TRIM16: variants seen among roughly 807,000 people sequenced by gnomAD.
The protein encoded by TRIM16 is tripartite motif-containing protein 16.
A neutral mutation model predicts 50.4 loss-of-function variants in TRIM16; 33 were observed. The ratio of observed to expected loss-of-function variants is 0.65; its 90% CI spans 0.50 to 0.88. The LOEUF is 0.88. Among genes scored for constraint, TRIM16 ranks in the 40% least tolerant of loss-of-function variants. The probability of loss-of-function intolerance (pLI) is 0.00; values close to 1 mark genes in which losing one functional copy is unlikely to be tolerated. For missense variants in TRIM16, 581 were observed against 686.8 expected, an observed-to-expected ratio of 0.85 and a Z score of 1.72; for synonymous variants, 229 against 270.7, an observed-to-expected ratio of 0.85 and a Z score of 1.51.
At chr17:15,646,734 T>C (rs1440022320) in intron 7 of TRIM16, among the ~76,000 whole-genome samples, 1 of 151,474 alleles carries the variant, frequency 6.6e-6, no homozygotes, top group Non-Finnish European at 1.5e-5. Context: ...GCCAGTTCCT[T>C]TGTATTCCAA....
Position 15,628,780 on chromosome 17 carries a change from G to A in TRIM16, c.1530C>T (p.Gly510=), listed in dbSNP as rs759057353. The change falls in exon 12 of 12, where the codon GGC becomes GGT. Residue 510 remains glycine, a synonymous_variant. Coordinates refer to ENST00000649191, the MANE Select transcript of TRIM16 (RefSeq NM_001348119.1). ...DFPGGILSFY[G]VEYDTMTLVH... ...CCAGAGTCATGGTATCATACTCTAC[G>A]CCATAGAAGGAAAGGATCCCTCCCG... 8.1e-6 allele frequency: 13 copies of A among 1,614,048 alleles called. No homozygotes were observed. Among genetic ancestry groups the A allele is most frequent in the African/African-American group, 5.3e-5 (4 of 74,910 alleles).
In TRIM16 at chr17:15,684,268, G is replaced by A. The variant is rs1044145179; in HGVS notation, c.-971C>T. ...TGCTCTGGGGGACAGGGAGGACACA[G>A]ACTCGCCACGCGCGGAGATCCTCCA... On this transcript the variant is annotated 5_prime_UTR_variant, in exon 1 of 12. Coordinates refer to ENST00000649191, the MANE Select transcript of TRIM16 (RefSeq NM_001348119.1). 1 of 152,214 alleles carries A rather than the reference G, an allele frequency of 6.6e-6. No individual in the cohort carries two copies. The highest frequency in any genetic ancestry group is 1.9e-4 in the East Asian group (1 of 5,190). 9.4% of individuals were successfully genotyped at this position (152,214 alleles called of 1,614,324 possible). A position where few individuals can be genotyped will look rare whatever the true frequency, so the allele number is the denominator to read the frequency against.
chr17:15,665,224 C>T (rs962901715), intron 6 of TRIM16, among the ~76,000 whole-genome samples: 6 of 151,452 alleles, frequency 4.0e-5, no homozygotes, highest in African/African-American at 7.3e-5. Flanking sequence ...TTTAAAGAGG[C>T]TGTAGAGGCC....
chr17:15,652,959 T>C (rs1415385220), intron 6 of TRIM16, among the ~76,000 whole-genome samples: 2 of 152,120 alleles, frequency 1.3e-5, no homozygotes, highest in South Asian at 2.1e-4. Flanking sequence ...TTCCTAGACA[T>C]GGTGTTATAG....
rs1217369714 is a variant in TRIM16 at position 15,628,786 on chromosome 17, G to C, written c.1524C>G (p.Phe508Leu). ...TCATGGTATCATACTCTACGCCATA[G>C]AAGGAAAGGATCCCTCCCGGGAAGT... is the stretch of plus-strand genomic sequence containing the variant. Reference protein sequence around the residue: ...YIDFPGGILSFYGVEYDTMTL... With the variant: ...YIDFPGGILSLYGVEYDTMTL... Residue 508 changes from phenylalanine to leucine, a missense_variant, in exon 12 of 12, where the codon TTC (phenylalanine) becomes TTG (leucine). Around this residue, in one of 3 missense-constraint regions of TRIM16, gnomAD observed 115 missense variants for 106.7 expected, o/e 1.08. Transcript: ENST00000649191. 3 of 1,614,072 alleles carry C rather than the reference G, an allele frequency of 1.9e-6. No individual in the cohort carries two copies. In the East Asian group the frequency reaches 6.7e-5, roughly 36 times the overall value.
At chr17:15,676,162 T>C (rs190090726) in intron 6 of TRIM16, among the ~76,000 whole-genome samples, 1 of 152,266 alleles carries the variant, frequency 6.6e-6, no homozygotes, top group African/African-American at 2.4e-5. Context: ...CCCCGTCCTG[T>C]GCATTGTAGG....
At chr17:15,644,240 C>T (rs1008390158) in intron 7 of TRIM16, among the ~76,000 whole-genome samples, 1 of 152,056 alleles carries the variant, frequency 6.6e-6, no homozygotes, top group Non-Finnish European at 1.5e-5. Flanking sequence ...GGCTGGAGTG[C>T]AGTGGCGCGA....
chr17:15,659,700 T>C (rs1016178058), intron 6 of TRIM16, among the ~76,000 whole-genome samples: 4 of 152,254 alleles, frequency 2.6e-5, no homozygotes, highest in African/African-American at 7.2e-5. Flanking sequence ...ACAAATGTTC[T>C]CTTGCCCTGG....
At chr17:15,645,865 G>T (rs1268022495) in intron 7 of TRIM16, among the ~76,000 whole-genome samples, 1 of 152,252 alleles carries the variant, frequency 6.6e-6, no homozygotes, top group Non-Finnish European at 1.5e-5. Flanking sequence ...ATGCCTGGGA[G>T]TGGGGAGTGG....
intron 11 of TRIM16, among the ~76,000 whole-genome samples, chr17:15,631,403 C>A (rs936373232): frequency 1.3e-5 from 2 of 152,100 alleles, no homozygotes; most frequent in Non-Finnish European, 2.9e-5. Context: ...TATGGGAATT[C>A]TTTGTCTTAG....
chr17:15,651,591 T>C lies in TRIM16; in HGVS notation c.19A>G (p.Met7Val). Residue 7 changes from methionine to valine, a missense_variant, in exon 7 of 12, where the codon ATG (methionine) becomes GTG (valine). Physicochemically the swap from Met to Val is conservative, Grantham distance 21. Transcript: ENST00000649191. Reference protein sequence around the residue: MAELDLMAPGPLPRATA... With the variant: MAELDLVAPGPLPRATA... Reference sequence around the variant, plus strand: ...GCCCTGGGCAGTGGCCCTGGAGCCATTAGATCCAACTCAGCCATCTGGGAG... The same window carrying C: ...GCCCTGGGCAGTGGCCCTGGAGCCACTAGATCCAACTCAGCCATCTGGGAG... The C allele has an allele frequency of 6.2e-7, 1 of 1,613,900 alleles. No individual in the cohort carries two copies. Among genetic ancestry groups the C allele is most frequent in the Middle Eastern group, 1.6e-4 (1 of 6,062 alleles).
chr17:15,634,337 CA>C (rs1002588000), intron 9 of TRIM16, among the ~76,000 whole-genome samples: 1 of 117,748 alleles, frequency 8.5e-6, no homozygotes, highest in African/African-American at 3.2e-5. Context: ...CTCGAAAAAA[CA>C]AAAAAAATTG....
intron 6 of TRIM16, among the ~76,000 whole-genome samples, chr17:15,665,143 C>A (rs572394559): frequency 2.6e-5 from 4 of 151,944 alleles, no homozygotes; most frequent in African/African-American, 7.2e-5. Flanking sequence ...TTTTAAGCTG[C>A]TGCTATACAA....
chr17:15,680,045 G>A (rs1989121067), intron 4 of TRIM16, among the ~76,000 whole-genome samples: 1 of 151,968 alleles, frequency 6.6e-6, no homozygotes, highest in Admixed American at 6.6e-5. Context: ...ACACCTCTGT[G>A]ATTTCAATGT....
At position 15,629,192 on chromosome 17, in the gene TRIM16, T is replaced by C; in HGVS notation, c.1118A>G (p.Tyr373Cys). 2.5e-6 allele frequency: 4 copies of C among 1,607,664 alleles called. No individual in the cohort carries two copies. Among genetic ancestry groups the C allele is most frequent in the East Asian group, 4.5e-5 (2 of 44,780 alleles). ...STREQFLQYA[Y>C]DITFDPDTAH... ...TGTGTCCGGGTCAAACGTGATGTCATACGCATCTGAGGAGACACAGAAGGC... is the reference window on the plus strand; with the variant it reads ...TGTGTCCGGGTCAAACGTGATGTCACACGCATCTGAGGAGACACAGAAGGC... Residue 373 changes from tyrosine (Y) to cysteine (C), a missense_variant, in exon 12 of 12, where the codon TAT becomes TGT. By Grantham distance (194) the Tyr-to-Cys change is radical (BLOSUM62 -2). This residue lies in a region of TRIM16 where 450 missense variants were observed against 544.3 expected (regional missense o/e 0.83). Coordinates refer to ENST00000649191, the MANE Select transcript of TRIM16 (RefSeq NM_001348119.1).
rs552334935 is a variant in TRIM16, at chr17:15,638,691, T to A, written c.616-2422A>T. Among the ~76,000 whole-genome samples, 82 of 148,110 alleles carry A rather than the reference T, an allele frequency of 5.5e-4. 6 individuals carry two copies. In the South Asian group the frequency reaches 0.018, roughly 33 times the overall value. On this transcript the variant is annotated intron_variant, in intron 8 of 11. Coordinates refer to ENST00000649191, the MANE Select transcript of TRIM16 (RefSeq NM_001348119.1). Reference sequence around the variant, plus strand: ...GCAGAGGCTTCAGGGGCACCTCCCATCCCTGGCAAGGAAGGAGAGAGGGAG... The same window carrying A: ...GCAGAGGCTTCAGGGGCACCTCCCAACCCTGGCAAGGAAGGAGAGAGGGAG...
At chr17:15,659,378 G>C (rs1988119218) in intron 6 of TRIM16, among the ~76,000 whole-genome samples, 1 of 152,126 alleles carries the variant, frequency 6.6e-6, no homozygotes, top group African/African-American at 2.4e-5. Flanking sequence ...GCCAGAATTA[G>C]CAGCTAGACC....
At chr17:15,654,742 G>T (rs1422630773) in intron 6 of TRIM16, among the ~76,000 whole-genome samples, 1 of 152,156 alleles carries the variant, frequency 6.6e-6, no homozygotes, top group Non-Finnish European at 1.5e-5. Context: ...TCTCGCTTCT[G>T]TAATATGCTT....
chr17:15,651,385 G>A lies in TRIM16; in HGVS notation c.225C>T (p.Val75=). 1 of 1,614,170 alleles carries A rather than the reference G, an allele frequency of 6.2e-7. No individual in the cohort carries two copies. Among genetic ancestry groups the A allele is most frequent in the Non-Finnish European group, 8.5e-7 (1 of 1,180,030 alleles). ...QGDPAGEGKE[V]LCDFCLDDTR... is the part of the protein sequence containing the mutation. Reference sequence around the variant, plus strand: ...TGTCATCAAGGCAGAAGTCACACAGGACCTCTTTCCCCTCACCAGCAGGAT... The same window carrying A: ...TGTCATCAAGGCAGAAGTCACACAGAACCTCTTTCCCCTCACCAGCAGGAT... Residue 75 remains valine, a synonymous_variant, in exon 7 of 12, where the codon GTC becomes GTT. Coordinates refer to ENST00000649191, the MANE Select transcript of TRIM16 (RefSeq NM_001348119.1).
Sources: allele counts gnomAD v4.1 joint callset (sites outside exome capture counted in the v4.1 genomes callset), GRCh38; gene constraint gnomAD v4.1.1; regional missense constraint gnomAD v4.1.1; transcripts MANE v1.5; gene names NCBI Gene and HGNC (gene_info 2026-07-23, HGNC 2026-07-21).